Variants in FLVCR2 observed in about 807,000 individuals in gnomAD.
The protein encoded by FLVCR2 is choline/ethanolamine transporter FLVCR2.
Under a neutral mutation model 48.9 loss-of-function variants are expected in FLVCR2, and 38 were observed. That is an observed-to-expected ratio of 0.78 (90% CI 0.60 to 1.02). The LOEUF is 1.02. FLVCR2 is among the 50% of genes least tolerant of loss of function. The probability of loss-of-function intolerance (pLI) is 0.00; values close to 1 mark genes in which losing one functional copy is unlikely to be tolerated. For missense variants in FLVCR2, 664 were observed against 663.3 expected, an observed-to-expected ratio of 1.00 and a Z score of -0.01; for synonymous variants, 255 against 257.0, an observed-to-expected ratio of 0.99 and a Z score of 0.07.
chr14:75,622,553 G>A (rs1227884942), intron 2 of FLVCR2, among the ~76,000 whole-genome samples: 2 of 152,180 alleles, frequency 1.3e-5, no homozygotes, highest in African/African-American at 2.4e-5. Flanking sequence ...ACTGTACTGA[G>A]CATGCCTGAT....
chr14:75,632,982 T>C (rs1348930220), intron 3 of FLVCR2: 1 of 702,236 alleles, frequency 1.4e-6, no homozygotes, highest in Non-Finnish European at 2.6e-6. Flanking sequence ...ACTCACTTGC[T>C]GTATGACTTT....
At chr14:75,614,984 G>A (rs920315928) in intron 1 of FLVCR2, among the ~76,000 whole-genome samples, 1 of 152,164 alleles carries the variant, frequency 6.6e-6, no homozygotes, top group Non-Finnish European at 1.5e-5. Context: ...TGGCACATGG[G>A]GATTACAATT....
intron 1 of FLVCR2, among the ~76,000 whole-genome samples, chr14:75,601,632 A>G (rs528391603): frequency 1.3e-5 from 2 of 152,350 alleles, no homozygotes; most frequent in South Asian, 4.1e-4. Flanking sequence ...AAGCACCTCA[A>G]AAAAATTAAA....
At position 75,579,430 on chromosome 14, in the gene FLVCR2, T is replaced by C. The variant is rs1474322843; in HGVS notation, c.458T>C (p.Ile153Thr). Residue 153 changes from isoleucine to threonine, a missense_variant, in exon 1 of 10, where the codon ATT becomes ACT. By Grantham distance (89) the Ile-to-Thr change is moderately conservative. Transcript: ENST00000238667. ...CTGGAGAAGTTCGGCCTGCGCACCA[T>C]TGCTCTCACTGGCTCGGCTCTCAAC... ...WLLEKFGLRT[I>T]ALTGSALNCL... 1 of 1,613,926 alleles carries C rather than the reference T, an allele frequency of 6.2e-7. No homozygotes were observed. The highest frequency in any genetic ancestry group is 1.3e-5 in the African/African-American group (1 of 74,930).
At chr14:75,605,574 A>G (rs545922571) in intron 1 of FLVCR2, 2 of 1,536,100 alleles carry the variant, frequency 1.3e-6, no homozygotes, top group East Asian at 2.4e-5. Context: ...TCCCAGCATG[A>G]GCGCAGATAA....
At chr14:75,587,483 C>T (rs749336280) in intron 1 of FLVCR2, among the ~76,000 whole-genome samples, 1 of 152,158 alleles carries the variant, frequency 6.6e-6, no homozygotes, top group Non-Finnish European at 1.5e-5. Context: ...CTCTTCTAAC[C>T]TAGCATGGTC....
rs139606882 is a variant in FLVCR2 at position 75,627,999 on chromosome 14, G to A, written c.952+3247G>A. The stretch of plus-strand genomic sequence containing the variant: ...TTCATTTTATACATGAGGAAACTGA[G>A]GCTCTAGAGTTTTAGCTTCTTGCCT... On this transcript the variant is annotated intron_variant, in intron 3 of 9. Coordinates refer to ENST00000238667, the MANE Select transcript of FLVCR2 (RefSeq NM_017791.3). Among the ~76,000 whole-genome samples the A allele has an allele frequency of 8.3e-3, 1,258 of 152,276 alleles. 22 individuals carry two copies. The highest frequency in any genetic ancestry group is 0.029 in the African/African-American group (1,193 of 41,546).
At chr14:75,597,989 T>C (rs1261567376) in intron 1 of FLVCR2, among the ~76,000 whole-genome samples, 1 of 152,130 alleles carries the variant, frequency 6.6e-6, no homozygotes, top group Non-Finnish European at 1.5e-5. Context: ...GCCATATTCT[T>C]GTCAGGGCTG....
At chr14:75,607,345 C>T (rs1036625698) in intron 1 of FLVCR2, among the ~76,000 whole-genome samples, 5 of 152,052 alleles carry the variant, frequency 3.3e-5, no homozygotes, top group Admixed American at 6.5e-5. Flanking sequence ...AAAAGGTAAA[C>T]GGAGGTGCAA....
intron 1 of FLVCR2, among the ~76,000 whole-genome samples, chr14:75,614,403 A>G (rs1003457421): frequency 1.6e-4 from 25 of 152,238 alleles, no homozygotes; most frequent in Non-Finnish European, 3.7e-4. Flanking sequence ...AAGTATCAGG[A>G]AAATGACTGA....
chr14:75,624,459 A>C (rs917225585), intron 2 of FLVCR2, among the ~76,000 whole-genome samples, 153 bp from the exon 3 acceptor site: 2 of 152,222 alleles, frequency 1.3e-5, no homozygotes, highest in African/African-American at 4.8e-5. Flanking sequence ...AGCTTCAAGA[A>C]GGGGGCTGTT....
At chr14:75,593,522 T>C (rs1888937442) in intron 1 of FLVCR2, among the ~76,000 whole-genome samples, 1 of 152,242 alleles carries the variant, frequency 6.6e-6, no homozygotes, top group African/African-American at 2.4e-5. Flanking sequence ...CACCCATTTC[T>C]GCAGGAACTA....
chr14:75,628,248 G>A (rs1889956737), intron 3 of FLVCR2, among the ~76,000 whole-genome samples: 1 of 152,102 alleles, frequency 6.6e-6, no homozygotes, highest in Non-Finnish European at 1.5e-5. Flanking sequence ...CCGAGTAGCT[G>A]GGATTACAGG....
At chr14:75,585,401 G>A (rs1312607441) in intron 1 of FLVCR2, among the ~76,000 whole-genome samples, 1 of 152,176 alleles carries the variant, frequency 6.6e-6, no homozygotes, top group African/African-American at 2.4e-5. Flanking sequence ...CGGGATTGCA[G>A]AAGAAAATAA....
intron 1 of FLVCR2, among the ~76,000 whole-genome samples, chr14:75,590,069 G>A (rs1251716344): frequency 6.6e-6 from 1 of 152,222 alleles, no homozygotes; most frequent in East Asian, 1.9e-4. Flanking sequence ...CATGGCCCTG[G>A]CTTCTGGCAA....
intron 1 of FLVCR2, among the ~76,000 whole-genome samples, chr14:75,584,145 G>A (rs181096731): frequency 9.8e-5 from 15 of 152,322 alleles, no homozygotes; most frequent in Admixed American, 7.8e-4. Flanking sequence ...TCGAAGCAAG[G>A]TCCACAAGGA....
At chr14:75,637,037 C>G (rs1045022065) in intron 5 of FLVCR2, among the ~76,000 whole-genome samples, 15 of 152,148 alleles carry the variant, frequency 9.9e-5, no homozygotes, top group African/African-American at 3.4e-4. Context: ...TTTGAAGCAC[C>G]AGGTGGGAGC....
At chr14:75,581,554 A>G (rs539949284) in intron 1 of FLVCR2, among the ~76,000 whole-genome samples, 1 of 151,860 alleles carries the variant, frequency 6.6e-6, no homozygotes, top group African/African-American at 2.4e-5. Context: ...ATTGGACTGT[A>G]TAGAGGTGGG....
chr14:75,613,617 C>T lies in FLVCR2; in HGVS notation c.670-8462C>T, dbSNP rs1469869266. 2.0e-5 allele frequency among the ~76,000 whole-genome samples: 3 copies of T among 152,106 alleles called. No individual in the cohort carries two copies. In the East Asian group the frequency reaches 5.8e-4, roughly 29 times the overall value. ...CCCAGGCTGGAGTGCAGTGGCACATCTTGGCCCACTGCAACCTCTGCCTCC... is the reference window on the plus strand; with the variant it reads ...CCCAGGCTGGAGTGCAGTGGCACATTTTGGCCCACTGCAACCTCTGCCTCC... On this transcript the variant is annotated intron_variant, in intron 1 of 9. Coordinates refer to ENST00000238667, the MANE Select transcript of FLVCR2 (RefSeq NM_017791.3).
Sources: gnomAD v4.1 joint callset for allele counts (sites outside exome capture counted in the v4.1 genomes callset) on GRCh38, gnomAD v4.1.1 for gene constraint, MANE v1.5 for transcripts, NCBI Gene and HGNC (gene_info 2026-07-23, HGNC 2026-07-21) for gene names.